The following SOX5 variants were observed in gnomAD, a reference collection of about 807,000 sequenced individuals.
SOX5 encodes transcription factor SOX-5.
In SOX5, 9 loss-of-function variants were observed where a neutral mutation model predicts 92.0. The observed-to-expected ratio is 0.10, with a 90% confidence interval of 0.06 to 0.17. SOX5 has a LOEUF of 0.17. Among genes scored for constraint, SOX5 ranks in the 10% least tolerant of loss-of-function variants. The probability of loss-of-function intolerance (pLI) is 1.00; values close to 1 mark genes in which losing one functional copy is unlikely to be tolerated. For synonymous variants in SOX5, 344 were observed against 336.3 expected, an observed-to-expected ratio of 1.02 and a Z score of -0.25; for missense variants, 642 against 944.5, an observed-to-expected ratio of 0.68 and a Z score of 4.20.
chr12:24,043,100 A>C (rs1412713459), intron 4 of SOX5, among the ~76,000 whole-genome samples: 1 of 152,186 alleles, frequency 6.6e-6, no homozygotes, highest in Non-Finnish European at 1.5e-5. Flanking sequence ...ATTGTGTTGC[A>C]AACTACCTAA....
intron 7 of SOX5, among the ~76,000 whole-genome samples, chr12:23,653,030 A>AGATGGATG (rs377588371): frequency 3.7e-3 from 427 of 115,858 alleles, no homozygotes; most frequent in South Asian, 0.014. Context: ...ATGTACAGAT[A>AGATGGATG]GATGGATGGA....
chr12:24,213,734 A>G (rs1330702917), intron 3 of SOX5, among the ~76,000 whole-genome samples: 1 of 151,954 alleles, frequency 6.6e-6, no homozygotes, highest in African/African-American at 2.4e-5. Flanking sequence ...TTCAAGATAC[A>G]GCGACAACTG....
Position 23,931,435 on chromosome 12 carries a change from G to A in SOX5, c.38+18129C>T, listed in dbSNP as rs150514498. Among the ~76,000 whole-genome samples the A allele has an allele frequency of 2.0e-3, 303 of 151,850 alleles. 1 individual carries two copies. Among genetic ancestry groups the A allele is most frequent in the African/African-American group, 7.0e-3 (289 of 41,494 alleles). On this transcript the variant is annotated intron_variant, in intron 1 of 14. Transcript: ENST00000451604. ...ATAGAGGGATCTGACTCTAGAGCCTGTGCTGTACATTACCTCTAAAGAGGG... is the reference window on the plus strand; with the variant it reads ...ATAGAGGGATCTGACTCTAGAGCCTATGCTGTACATTACCTCTAAAGAGGG...
At chr12:24,142,382 GAC>G (rs1950668750) in intron 4 of SOX5, among the ~76,000 whole-genome samples, 1 of 152,116 alleles carries the variant, frequency 6.6e-6, no homozygotes, top group Non-Finnish European at 1.5e-5. Context: ...ACTTCAAAGA[GAC>G]ACAAAATTCG....
intron 9 of SOX5, among the ~76,000 whole-genome samples, chr12:23,583,592 C>T (rs1459791315): frequency 2.6e-5 from 4 of 152,020 alleles, no homozygotes; most frequent in South Asian, 4.1e-4. Flanking sequence ...GTGTTCATTA[C>T]GGCTGGATGA....
intron 4 of SOX5, among the ~76,000 whole-genome samples, chr12:24,122,696 G>A (rs1390495847): frequency 6.6e-6 from 1 of 152,090 alleles, no homozygotes; most frequent in Non-Finnish European, 1.5e-5. Flanking sequence ...TATATTATAA[G>A]TTATAATAGC....
intron 4 of SOX5, among the ~76,000 whole-genome samples, chr12:24,183,391 A>G (rs1233664209): frequency 2.0e-5 from 3 of 152,124 alleles, no homozygotes; most frequent in South Asian, 2.1e-4. Flanking sequence ...AATGACTGCA[A>G]AGGTTTTCCT....
rs33923653 is a variant in SOX5 at position 24,004,308 on chromosome 12, CAA to C, written c.-1-108286_-1-108285del. ...ATCAAAATTAAAAACTTTTGTTTCT[CAA>C]AAAAAAAAACACAAGCATATGAAAA... On this transcript the variant is annotated intron_variant, in intron 4 of 4. Coordinates refer to the SOX5 transcript ENST00000446891. Among the ~76,000 whole-genome samples, 54 of 147,136 alleles carry C rather than the reference CAA, an allele frequency of 3.7e-4. 1 individual carries two copies. The highest frequency in any genetic ancestry group is 8.7e-4 in the African/African-American group (35 of 40,442).
intron 2 of SOX5, among the ~76,000 whole-genome samples, chr12:24,316,391 T>C (rs989961944): frequency 1.3e-5 from 2 of 152,220 alleles, no homozygotes; most frequent in Admixed American, 6.5e-5. Context: ...CTTTCTGACA[T>C]TCAGCAACAG....
At chr12:24,405,698 G>A (rs1336873055) in intron 1 of SOX5, among the ~76,000 whole-genome samples, 1 of 152,154 alleles carries the variant, frequency 6.6e-6, no homozygotes, top group African/African-American at 2.4e-5. Context: ...CTCCCTAATG[G>A]GAGCAGAATG....
intron 4 of SOX5, among the ~76,000 whole-genome samples, chr12:24,104,490 TA>T (rs1441673155): frequency 6.6e-6 from 1 of 152,212 alleles, no homozygotes; most frequent in Non-Finnish European, 1.5e-5. Flanking sequence ...AAATTTACTA[TA>T]AAATAATGAT....
chr12:23,933,052 C>T (rs1444692200), intron 1 of SOX5, among the ~76,000 whole-genome samples: 5 of 151,670 alleles, frequency 3.3e-5, no homozygotes, highest in Non-Finnish European at 7.4e-5. Context: ...TTTGTCCTGC[C>T]AGATGACTTG....
At chr12:24,070,585 T>A (rs1005109188) in intron 4 of SOX5, among the ~76,000 whole-genome samples, 20 of 150,996 alleles carry the variant, frequency 1.3e-4, no homozygotes, top group African/African-American at 3.4e-4. Flanking sequence ...TTATTGTTTT[T>A]TAAAAAAAAA....
At chr12:24,406,000 C>A (rs1338920383) in intron 1 of SOX5, among the ~76,000 whole-genome samples, 1 of 151,994 alleles carries the variant, frequency 6.6e-6, no homozygotes, top group Non-Finnish European at 1.5e-5. Context: ...CTGTATGTAC[C>A]CCCTGGAGTT....
intron 2 of SOX5, among the ~76,000 whole-genome samples, chr12:23,875,664 G>C (rs1271715939): frequency 6.6e-6 from 1 of 152,154 alleles, no homozygotes; most frequent in African/African-American, 2.4e-5. Context: ...AATTACCACT[G>C]ACTTTAAAGA....
At chr12:23,787,603 C>T (rs1036397412) in intron 3 of SOX5, among the ~76,000 whole-genome samples, 1 of 151,720 alleles carries the variant, frequency 6.6e-6, no homozygotes, top group East Asian at 1.9e-4. Flanking sequence ...CAAGTAACAC[C>T]CATTGCTAAC....
In SOX5 at chr12:23,969,381, G is replaced by T. The variant is rs754483274; in HGVS notation, c.-1-73357C>A. 4.2e-4 allele frequency among the ~76,000 whole-genome samples: 64 copies of T among 151,452 alleles called. 2 individuals are homozygous for T. The highest frequency in any genetic ancestry group is 1.8e-4 in the Non-Finnish European group (12 of 67,920). On this transcript the variant is annotated intron_variant, in intron 4 of 4. Coordinates refer to the SOX5 transcript ENST00000446891. ...GTTCGTCAGACAAAAATCTGATCAC[G>T]CCATTTGCCATGCTTAAAATCCTTC...
At position 23,814,965 on chromosome 12, in the gene SOX5, T is replaced by G. The variant is rs1199664116; in HGVS notation, c.481+31018A>C. On this transcript the variant is annotated intron_variant, in intron 3 of 14. Transcript: ENST00000451604. Reference sequence around the variant, plus strand: ...AAGTCTAATATTTTGAAATATCTTATTGCCTTTTAAAATAGGTTAAGAACA... The same window carrying G: ...AAGTCTAATATTTTGAAATATCTTAGTGCCTTTTAAAATAGGTTAAGAACA... 1.6e-4 allele frequency among the ~76,000 whole-genome samples: 24 copies of G among 152,214 alleles called. 1 individual carries two copies. Among genetic ancestry groups the G allele is most frequent in the Admixed American group, 1.4e-3 (22 of 15,284 alleles).
chr12:24,064,373 CT>C (rs1940291983), intron 4 of SOX5, among the ~76,000 whole-genome samples: 1 of 152,182 alleles, frequency 6.6e-6, no homozygotes, highest in African/African-American at 2.4e-5. Flanking sequence ...TCTAAATTGA[CT>C]TTTGAACATC....
Sources: gnomAD v4.1 joint callset for allele counts (sites outside exome capture counted in the v4.1 genomes callset) on GRCh38, gnomAD v4.1.1 for gene constraint, MANE v1.5 for transcripts, NCBI Gene and HGNC (gene_info 2026-07-23, HGNC 2026-07-21) for gene names.